The following ROBO1 variants were observed in gnomAD, a reference collection of about 807,000 sequenced individuals.
ROBO1 encodes roundabout guidance receptor 1.
In ROBO1, 149 loss-of-function variants were observed where a neutral mutation model predicts 195.9. The ratio of observed to expected loss-of-function variants is 0.76; its 90% CI spans 0.67 to 0.87. The LOEUF is 0.87. Among genes scored for constraint, ROBO1 ranks in the 40% least tolerant of loss-of-function variants. The pLI is 0.00. For missense variants in ROBO1, 1,933 were observed against 2,068.3 expected, an observed-to-expected ratio of 0.93 and a Z score of 1.27; for synonymous variants, 816 against 733.2, an observed-to-expected ratio of 1.11 and a Z score of -1.82.
At chr3:79,021,090 A>G (rs994239023) in intron 3 of ROBO1, among the ~76,000 whole-genome samples, 1 of 152,178 alleles carries the variant, frequency 6.6e-6, no homozygotes, top group Non-Finnish European at 1.5e-5. Context: ...TGAAAGTGAA[A>G]GATAGTCTAA....
At chr3:79,058,152 T>A (rs1271953741) in intron 3 of ROBO1, among the ~76,000 whole-genome samples, 1 of 152,016 alleles carries the variant, frequency 6.6e-6, no homozygotes, top group Non-Finnish European at 1.5e-5. Flanking sequence ...TGAGGCCCCA[T>A]CTAAAACTTT....
At chr3:79,282,508 T>G (rs1369957629) in intron 2 of ROBO1, among the ~76,000 whole-genome samples, 1 of 152,186 alleles carries the variant, frequency 6.6e-6, no homozygotes, top group Non-Finnish European at 1.5e-5. Flanking sequence ...AAGTGGAAGA[T>G]AGCAAATGAA....
At chr3:78,983,166 A>G (rs2108001445) in intron 3 of ROBO1, among the ~76,000 whole-genome samples, 1 of 152,278 alleles carries the variant, frequency 6.6e-6, no homozygotes, top group African/African-American at 2.4e-5. Context: ...ACATTTTCAA[A>G]CAAGAAAAAC....
chr3:79,431,492 G>A (rs1322782296), intron 2 of ROBO1, among the ~76,000 whole-genome samples: 3 of 151,896 alleles, frequency 2.0e-5, no homozygotes, highest in Admixed American at 6.6e-5. Context: ...TGTTTTCTCC[G>A]GTTATCCCTG....
At chr3:78,940,517 C>T (rs1026358021) in intron 3 of ROBO1, among the ~76,000 whole-genome samples, 4 of 152,198 alleles carry the variant, frequency 2.6e-5, no homozygotes, top group African/African-American at 9.7e-5. Flanking sequence ...TGTCTTCAGC[C>T]TGACTTCTCT....
chr3:79,385,696 T>C (rs1340648535), intron 2 of ROBO1, among the ~76,000 whole-genome samples: 3 of 152,104 alleles, frequency 2.0e-5, no homozygotes, highest in Non-Finnish European at 2.9e-5. Flanking sequence ...AATCAGTTGC[T>C]ACCTGGTAGA....
intron 4 of ROBO1, among the ~76,000 whole-genome samples, chr3:78,809,987 TAAA>T (rs57179877): frequency 0.032 from 4,530 of 139,876 alleles, 180 homozygotes; most frequent in African/African-American, 0.1. Context: ...TAAAGTATAG[TAAA>T]AAAAAAAAAA....
intron 2 of ROBO1, among the ~76,000 whole-genome samples, chr3:79,377,586 G>A (rs2036428000): frequency 6.6e-6 from 1 of 152,114 alleles, no homozygotes; most frequent in Non-Finnish European, 1.5e-5. Flanking sequence ...TTTATTCGAT[G>A]TAGTTTTTGC....
At chr3:78,793,813 G>C (rs1258223928) in intron 4 of ROBO1, among the ~76,000 whole-genome samples, 4 of 151,768 alleles carry the variant, frequency 2.6e-5, no homozygotes, top group Admixed American at 2.0e-4. Flanking sequence ...CTGATATTCA[G>C]ATATAAAATA....
At chr3:79,663,454 C>G (rs548802515) in intron 1 of ROBO1, among the ~76,000 whole-genome samples, 1 of 152,130 alleles carries the variant, frequency 6.6e-6, no homozygotes, top group Admixed American at 6.6e-5. Context: ...TCCTCTCATT[C>G]TCTTCCTATT....
chr3:79,376,406 G>T (rs1422999642), intron 2 of ROBO1, among the ~76,000 whole-genome samples: 2 of 152,142 alleles, frequency 1.3e-5, no homozygotes, highest in Non-Finnish European at 2.9e-5. Flanking sequence ...GTGTTAGAAT[G>T]AAAATACACG....
chr3:79,573,830 T>C (rs1051501937), intron 2 of ROBO1, among the ~76,000 whole-genome samples: 2 of 152,280 alleles, frequency 1.3e-5, no homozygotes, highest in Admixed American at 1.3e-4. Flanking sequence ...AAACCCAAGA[T>C]ATGATAATTT....
chr3:79,378,857 T>C (rs2036473820), intron 2 of ROBO1, among the ~76,000 whole-genome samples: 1 of 152,214 alleles, frequency 6.6e-6, no homozygotes, highest in Admixed American at 6.5e-5. Flanking sequence ...AGGGAAAGGC[T>C]GAGCATCAGT....
rs368402178 is a variant in ROBO1, at chr3:79,149,693, CGA to C, written c.89-24156_89-24155del. On this transcript the variant is annotated intron_variant, in intron 2 of 30. Coordinates refer to ENST00000464233, the MANE Select transcript of ROBO1 (RefSeq NM_002941.4). ...CTATAATTAGGTTTCAGTGTTTTGG[CGA>C]GTCTGTGCCTCTGGACTGTGAACTT... Among the ~76,000 whole-genome samples, 18 of 151,832 alleles carry C rather than the reference CGA, an allele frequency of 1.2e-4. No homozygotes were observed. In the East Asian group the frequency reaches 2.1e-3, roughly 18 times the overall value.
At position 79,031,626 on chromosome 3, in the gene ROBO1, A is replaced by G. The variant is rs567051634; in HGVS notation, c.173-92699T>C. Among the ~76,000 whole-genome samples, 36 of 152,364 alleles carry G rather than the reference A, an allele frequency of 2.4e-4. 1 individual carries two copies. The highest frequency in any genetic ancestry group is 7.2e-4 in the Admixed American group (11 of 15,306). On this transcript the variant is annotated intron_variant, in intron 3 of 30. Transcript: ENST00000464233. ...ATTCTTTTTATATTAAGTGAAGAGC[A>G]TAATAGTTCTCCCCTTCTAGGGGTT...
chr3:79,596,501 T>G (rs1454968604), intron 1 of ROBO1, among the ~76,000 whole-genome samples: 2 of 152,000 alleles, frequency 1.3e-5, no homozygotes, highest in African/African-American at 4.8e-5. Context: ...TGAGGTTACA[T>G]GGAAGGCTTT....
intron 1 of ROBO1, among the ~76,000 whole-genome samples, chr3:79,642,080 T>C (rs1045750467): frequency 6.6e-6 from 1 of 152,036 alleles, no homozygotes; most frequent in Non-Finnish European, 1.5e-5. Flanking sequence ...GAAATTGAAA[T>C]AATAATAAAA....
chr3:78,955,541 T>A (rs1335422040), intron 3 of ROBO1, among the ~76,000 whole-genome samples: 1 of 152,146 alleles, frequency 6.6e-6, no homozygotes, highest in African/African-American at 2.4e-5. Flanking sequence ...ATTTATGAGT[T>A]CTTTGTCTAA....
chr3:78,600,450 A>G (rs1292564449), intron 29 of ROBO1, 141 bp from the exon 30 acceptor site: 1 of 628,918 alleles, frequency 1.6e-6, no homozygotes, highest in Non-Finnish European at 2.8e-6. Flanking sequence ...TATAAGCATA[A>G]TGAATAATGT....
Sources: gnomAD v4.1 joint callset for allele counts (sites outside exome capture counted in the v4.1 genomes callset) on GRCh38, gnomAD v4.1.1 for gene constraint, MANE v1.5 for transcripts, NCBI Gene and HGNC (gene_info 2026-07-23, HGNC 2026-07-21) for gene names.